Variants in KRT3 observed in about 807,000 individuals in gnomAD.
KRT3 encodes the protein keratin, type II cytoskeletal 3.
KRT3 carries 34 observed loss-of-function variants against 45.8 expected under a neutral mutation model. The ratio of observed to expected loss-of-function variants is 0.74; its 90% CI spans 0.57 to 0.99. The LOEUF (loss-of-function observed/expected upper bound fraction) is 0.99, where lower values mean the gene tolerates loss of function less well. Ranked by LOEUF, KRT3 falls within the 50% of genes least tolerant of loss-of-function variation. KRT3 has a pLI of 0.00. For missense variants in KRT3, 828 were observed against 820.6 expected (o/e 1.01, Z -0.11); for synonymous variants, 367 against 329.0 (o/e 1.12, Z -1.25).
Position 52,792,803 on chromosome 12 carries a change from C to T in KRT3, c.931G>A (p.Val311Met), listed in dbSNP as rs773956344. Reference protein sequence around the residue: ...ENEFVTLKKDVDSAYMNKVEL... With the variant: ...ENEFVTLKKDMDSAYMNKVEL... ...ACCTTGTTCATATAGGCACTGTCCA[C>T]ATCCTGAGAAAAGAGGAAGATAAAG... Residue 311 changes from valine (V) to methionine (M), a missense_variant, in exon 4 of 9, where the codon GTG (valine) becomes ATG (methionine). Physicochemically the swap from Val to Met is conservative, Grantham distance 21. Transcript: ENST00000417996. 2 of 1,605,442 alleles carry T rather than the reference C, an allele frequency of 1.2e-6. No individual in the cohort carries two copies. The highest frequency in any genetic ancestry group is 1.1e-5 in the South Asian group (1 of 90,486).
Position 52,796,087 on chromosome 12 carries a change from A to C in KRT3, c.-45T>G, listed in dbSNP as rs1379971769. ...AGAAGAGTGTAAGTTAAGCAGGGAC[A>C]CTGAGAGTCAGAGGAAGAGGGATGG... is the stretch of plus-strand genomic sequence containing the variant. On this transcript the variant is annotated 5_prime_UTR_variant, in exon 1 of 9. Coordinates refer to ENST00000417996, the MANE Select transcript of KRT3 (RefSeq NM_057088.3). 1.5e-5 allele frequency: 24 copies of C among 1,597,808 alleles called. No individual in the cohort carries two copies. Among genetic ancestry groups the C allele is most frequent in the Non-Finnish European group, 1.9e-5 (22 of 1,169,698 alleles).
chr12:52,795,058 T>G (rs1005478093), intron 1 of KRT3, among the ~76,000 whole-genome samples: 11 of 152,188 alleles, frequency 7.2e-5, no homozygotes, highest in Non-Finnish European at 1.0e-4. Context: ...CCATTCTTGG[T>G]GGACCCTTCG....
chr12:52,795,906 C>T lies in KRT3; in HGVS notation c.137G>A (p.Arg46Gln), dbSNP rs774042565. The stretch of plus-strand genomic sequence containing the variant: ...ACTGCCAAAGCCACCTGCTCCGCTC[C>T]GGAAGCCATAGGCCCCTCCGCCAGC... ...GGAGGGAYGF[R>Q]SGAGGFGSRS... Residue 46 changes from arginine (R) to glutamine (Q), a missense_variant, in exon 1 of 9, where the codon CGG becomes CAG. Coordinates refer to ENST00000417996, the MANE Select transcript of KRT3 (RefSeq NM_057088.3). 8.4e-5 allele frequency: 136 copies of T among 1,613,922 alleles called. No individual in the cohort carries two copies. Among genetic ancestry groups the T allele is most frequent in the Non-Finnish European group, 1.1e-4 (128 of 1,179,910 alleles).
rs1939592381 is a variant in KRT3 at position 52,794,336 on chromosome 12, A to C, written c.646-5T>G. 1.2e-6 allele frequency: 2 copies of C among 1,611,664 alleles called. No homozygotes were observed. Among genetic ancestry groups the C allele is most frequent in the Admixed American group, 1.7e-5 (1 of 60,006 alleles). ...CTGTTGCTCCAGGAACCGCACCTGCAATGGTTGCAGGAAGCAACATCAGGC... is the reference window on the plus strand; with the variant it reads ...CTGTTGCTCCAGGAACCGCACCTGCCATGGTTGCAGGAAGCAACATCAGGC... On this transcript the variant is annotated splice_polypyrimidine_tract_variant and splice_region_variant and intron_variant, in intron 1 of 8. Coordinates refer to ENST00000417996, the MANE Select transcript of KRT3 (RefSeq NM_057088.3).
At position 52,791,512 on chromosome 12, in the gene KRT3, T is replaced by A; in HGVS notation, c.1315-86A>T. On this transcript the variant is annotated intron_variant, in intron 6 of 8. Transcript: ENST00000417996. ...TGCAATGGATTATCCCATCTTAAAG[T>A]CAGGGAACATTCCTCCTCCCCTAGT... 9.4e-6 allele frequency: 14 copies of A among 1,483,400 alleles called. 1 individual carries two copies. In the South Asian group the frequency reaches 1.7e-4, roughly 18 times the overall value. 91.9% of individuals were successfully genotyped at this position (1,483,400 alleles called of 1,614,324 possible).
rs114915149 is a variant in KRT3, at chr12:52,792,759, C to A, written c.975G>T (p.Val325=). Residue 325 remains valine (V), a synonymous_variant, in exon 4 of 9, where the codon GTG becomes GTT. Transcript: ENST00000417996. ...AGTCGATCTCATCTATCAAGGCATC[C>A]ACTTTGGCCTGAAGCTCCACCTTGT... ...YMNKVELQAK[V]DALIDEIDFL... The A allele has an allele frequency of 1.1e-4, 172 of 1,613,946 alleles. No homozygotes were observed. The African/African-American group carries it at 2.1e-3, about 20-fold the overall frequency.
At chr12:52,794,077 C>G in intron 2 of KRT3, 34 bp downstream of exon 2, 1 of 1,542,148 alleles carries the variant, frequency 6.5e-7, no homozygotes, top group Non-Finnish European at 9.0e-7. Context: ...CAGGGTGGGC[C>G]ATGGCATCTT....
intron 8 of KRT3, 47 bp from the exon 9 acceptor site, chr12:52,790,405 A>G: frequency 6.6e-7 from 1 of 1,525,960 alleles, no homozygotes; most frequent in South Asian, 1.3e-5. Context: ...CGCCCAGGCC[A>G]GCTGCTATGT....
intron 3 of KRT3, 49 bp from the exon 4 acceptor site, chr12:52,792,855 C>T: frequency 8.3e-7 from 1 of 1,198,168 alleles, no homozygotes; most frequent in Non-Finnish European, 1.2e-6. Flanking sequence ...GAACAAACAG[C>T]AAACCACAAC....
chr12:52,790,098 C>T lies in KRT3; in HGVS notation c.1831G>A (p.Gly611Ser), dbSNP rs187547495. Residue 611 changes from glycine to serine, a missense_variant, in exon 9 of 9, where the codon GGC becomes AGC. Transcript: ENST00000417996. ...GGGFSSASNR[G>S]GSIKFSQSSQ... ...GACTGGGAGAACTTGATGCTGCCGCCCCGGTTGCTGGCCGAGCTGAAGCCC... is the reference window on the plus strand; with the variant it reads ...GACTGGGAGAACTTGATGCTGCCGCTCCGGTTGCTGGCCGAGCTGAAGCCC... The T allele has an allele frequency of 4.7e-4, 720 of 1,543,034 alleles. 7 individuals carry two copies. In the African/African-American group the frequency reaches 8.2e-3, roughly 18 times the overall value.
rs751083045 is a variant in KRT3, at chr12:52,795,622, C to G, written c.421G>C (p.Gly141Arg). The G allele has an allele frequency of 6.3e-7, 1 of 1,588,980 alleles. No homozygotes were observed. Among genetic ancestry groups the G allele is most frequent in the East Asian group, 2.3e-5 (1 of 42,658 alleles). Residue 141 changes from glycine to arginine, a missense_variant, in exon 1 of 9, where the codon GGT (glycine) becomes CGT (arginine). Transcript: ENST00000417996. ...FGGAGGFGGP[G>R]GFGGSGGFGG... ...AAGCCACCAGACCCACCAAAGCCAC[C>G]AGGACCACCAAAGCCACCAGCCCCT...
At chr12:52,794,818 A>G (rs1222246571) in intron 1 of KRT3, among the ~76,000 whole-genome samples, 1 of 152,170 alleles carries the variant, frequency 6.6e-6, no homozygotes, top group Non-Finnish European at 1.5e-5. Context: ...AGGCAGCCCC[A>G]TGAGAACTGT....
chr12:52,792,092 T>C, intron 5 of KRT3, 147 bp downstream of exon 5: 1 of 759,548 alleles, frequency 1.3e-6, no homozygotes, highest in Non-Finnish European at 2.1e-6. Context: ...TTTCTGCAAC[T>C]GAACCACCAT....
chr12:52,790,774 A>G, intron 8 of KRT3, 64 bp downstream of exon 8: 1 of 1,327,396 alleles, frequency 7.5e-7, no homozygotes, highest in Non-Finnish European at 1.1e-6. Flanking sequence ...AGTTGCTACT[A>G]CCCTGGATTA....
intron 1 of KRT3, 68 bp from the exon 2 acceptor site, chr12:52,794,399 G>A: frequency 8.7e-7 from 1 of 1,145,898 alleles, no homozygotes; most frequent in Non-Finnish European, 1.3e-6. Flanking sequence ...CCTTCACTCA[G>A]GTAGGACTAG....
rs1002908555 is a variant in KRT3 at position 52,789,887 on chromosome 12, C to A, written c.*155G>T. 9 of 766,136 alleles carry A rather than the reference C, an allele frequency of 1.2e-5. No individual in the cohort carries two copies. Among genetic ancestry groups the A allele is most frequent in the Admixed American group, 8.7e-5 (4 of 45,844 alleles). The allele number at this position is 766,136 out of a possible 1,614,324, so 47.5% of individuals were successfully genotyped here. On this transcript the variant is annotated 3_prime_UTR_variant, in exon 9 of 9. Transcript: ENST00000417996. ...CTGAAATTCTCGTGACTGGGCTTGG[C>A]CGGGGATCTGGAAGGAGGAGCAAGA...
chr12:52,795,848 G>A lies in KRT3; in HGVS notation c.195C>T (p.Ser65=). ...RSLYNLGGNK[S]ISISVAAGGS... ...CGCCAGCTGCCACGCTGATGGAGAT[G>A]CTCTTGTTGCCGCCCAGGTTGTAGA... The change falls in exon 1 of 9, where the codon AGC becomes AGT. Residue 65 remains serine, a synonymous_variant. Transcript: ENST00000417996. 1 of 1,614,182 alleles carries A rather than the reference G, an allele frequency of 6.2e-7. No individual in the cohort carries two copies. The highest frequency in any genetic ancestry group is 8.5e-7 in the Non-Finnish European group (1 of 1,180,014).
In KRT3 at chr12:52,796,039, T is replaced by C. The variant is rs1267285603; in HGVS notation, c.4A>G (p.Ser2Gly). 6.2e-7 allele frequency: 1 copy of C among 1,613,046 alleles called. No homozygotes were observed. Among genetic ancestry groups the C allele is most frequent in the African/African-American group, 1.3e-5 (1 of 74,916 alleles). ...CCAGATGTCTTGCTGGCTTGTCTGC[T>C]CATGGTAAGGAGCTTGGCGAAGAGA... M[S>G]RQASKTSGGG... is the part of the protein sequence containing the mutation. The change falls in exon 1 of 9, where the codon AGC becomes GGC. Residue 2 changes from serine (S) to glycine (G), a missense_variant. Coordinates refer to ENST00000417996, the MANE Select transcript of KRT3 (RefSeq NM_057088.3).
At chr12:52,794,045 A>G in intron 2 of KRT3, 66 bp downstream of exon 2, 5 of 1,278,634 alleles carry the variant, frequency 3.9e-6, no homozygotes, top group Non-Finnish European at 5.6e-6. Context: ...GGGGGCATGT[A>G]GAAGGGGCCA....
Sources: allele counts gnomAD v4.1 joint callset (sites outside exome capture counted in the v4.1 genomes callset), GRCh38; gene constraint gnomAD v4.1.1; transcripts MANE v1.5; gene names NCBI Gene and HGNC (gene_info 2026-07-23, HGNC 2026-07-21).